Variants in KLHL29 observed in about 807,000 individuals in gnomAD.
KLHL29 encodes kelch-like protein 29.
Under a neutral mutation model 80.4 loss-of-function variants are expected in KLHL29, and 21 were observed. The observed-to-expected ratio is 0.26, with a 90% confidence interval of 0.19 to 0.38. The LOEUF (loss-of-function observed/expected upper bound fraction) is 0.38. Ranked by LOEUF, KLHL29 falls within the 10% of genes least tolerant of loss-of-function variation. KLHL29 has a pLI of 1.00. For missense variants in KLHL29, 867 were observed against 1,223.9 expected (o/e 0.71, Z 4.35); for synonymous variants, 511 against 526.8 (o/e 0.97, Z 0.41).
chr2:23,530,374 A>C (rs1162473354), intron 2 of KLHL29, among the ~76,000 whole-genome samples: 1 of 152,160 alleles, frequency 6.6e-6, no homozygotes, highest in African/African-American at 2.4e-5. Context: ...AAAAGTGGTG[A>C]TGGTATTTAA....
chr2:23,679,842 C>T (rs971499056), intron 5 of KLHL29, among the ~76,000 whole-genome samples: 2 of 151,894 alleles, frequency 1.3e-5, no homozygotes, highest in African/African-American at 2.4e-5. Context: ...AACACTTTCC[C>T]TGGTGGTGAA....
At chr2:23,640,917 G>A (rs1009906243) in intron 4 of KLHL29, among the ~76,000 whole-genome samples, 2 of 152,168 alleles carry the variant, frequency 1.3e-5, no homozygotes, top group African/African-American at 2.4e-5. Context: ...CGCCATCTTA[G>A]CTCCTGCCCC....
chr2:23,411,495 T>C (rs1472392709), intron 1 of KLHL29, among the ~76,000 whole-genome samples: 1 of 150,954 alleles, frequency 6.6e-6, no homozygotes, highest in African/African-American at 2.4e-5. Flanking sequence ...TTATGACCTC[T>C]AAGCTGCCAA....
chr2:23,575,385 A>G (rs1488672391), intron 3 of KLHL29, among the ~76,000 whole-genome samples: 1 of 152,234 alleles, frequency 6.6e-6, no homozygotes, highest in Non-Finnish European at 1.5e-5. Flanking sequence ...CTGTGCAGTC[A>G]GCAACCATTC....
intron 5 of KLHL29, among the ~76,000 whole-genome samples, chr2:23,656,441 A>G (rs905541553): frequency 3.3e-5 from 5 of 152,216 alleles, no homozygotes; most frequent in African/African-American, 1.2e-4. Flanking sequence ...GGCATGAGAA[A>G]TGTCAGCAAC....
chr2:23,562,524 G>A lies in KLHL29; in HGVS notation c.285+43G>A. On this transcript the variant is annotated intron_variant, in intron 3 of 13. Coordinates refer to ENST00000486442, the MANE Select transcript of KLHL29 (RefSeq NM_052920.2). This position sits in a 1 kb window ranked among gnomAD's most constrained non-coding sequence, Gnocchi z 4.5. ...CTCTGAGCAGGAGCCGGACAGAGGG[G>A]CCCTGCCTCCCTGCAGGCTCAGGCC... is the stretch of plus-strand genomic sequence containing the variant. The A allele has an allele frequency of 6.5e-7, 1 of 1,526,942 alleles. No homozygotes were observed. The allele number at this position is 1,526,942 out of a possible 1,614,324, so 94.6% of individuals were successfully genotyped here. A position where few individuals can be genotyped will look rare whatever the true frequency, so the allele number is the denominator to read the frequency against.
chr2:23,618,913 C>G (rs1340688179), intron 3 of KLHL29, among the ~76,000 whole-genome samples: 2 of 152,222 alleles, frequency 1.3e-5, no homozygotes, highest in Non-Finnish European at 2.9e-5. Flanking sequence ...GCAGCCACCA[C>G]TCCTCTCTGC....
rs76015357 is a variant in KLHL29, at chr2:23,504,359, G to A, written c.-46+28692G>A. Among the ~76,000 whole-genome samples the A allele has an allele frequency of 1.8e-3, 278 of 152,286 alleles. 1 individual carries two copies. The highest frequency in any genetic ancestry group is 6.3e-3 in the African/African-American group (261 of 41,586). On this transcript the variant is annotated intron_variant, in intron 2 of 13. Transcript: ENST00000486442. ...TTAGCATTCCGGAGTTTTCAGGGTC[G>A]GAGTGGGGGCCACTTCTAGGCACTA...
At chr2:23,581,914 C>T (rs1218835589) in intron 3 of KLHL29, among the ~76,000 whole-genome samples, 2 of 151,924 alleles carry the variant, frequency 1.3e-5, no homozygotes, top group African/African-American at 4.8e-5. Flanking sequence ...TAAGCTCCAC[C>T]TTTGAAAAAC....
At chr2:23,431,510 C>T (rs1187470792) in intron 1 of KLHL29, among the ~76,000 whole-genome samples, 1 of 152,236 alleles carries the variant, frequency 6.6e-6, no homozygotes, top group Non-Finnish European at 1.5e-5. Flanking sequence ...CCTGCTCCTC[C>T]GCCGGCAGCC....
intron 5 of KLHL29, among the ~76,000 whole-genome samples, chr2:23,679,362 A>T (rs138602327): frequency 3.0e-4 from 45 of 152,296 alleles, no homozygotes; most frequent in African/African-American, 1.0e-3. Context: ...TCTGCTCCAC[A>T]CAGTCTCTCA....
At chr2:23,414,335 C>T (rs527560554) in intron 1 of KLHL29, among the ~76,000 whole-genome samples, 27 of 151,384 alleles carry the variant, frequency 1.8e-4, no homozygotes, top group African/African-American at 4.8e-4. Flanking sequence ...GTGGGGGCCG[C>T]GCAGACGGAT....
At chr2:23,588,393 C>T (rs926746861) in intron 3 of KLHL29, among the ~76,000 whole-genome samples, 1 of 152,218 alleles carries the variant, frequency 6.6e-6, no homozygotes, top group Non-Finnish European at 1.5e-5. Context: ...CTGCTCCCCA[C>T]CCACCTTCAG....
intron 5 of KLHL29, among the ~76,000 whole-genome samples, chr2:23,661,594 G>A (rs1670410309): frequency 6.6e-6 from 1 of 152,232 alleles, no homozygotes; most frequent in Admixed American, 6.5e-5. Context: ...TCCTGCTCCT[G>A]GGACCAGGTC....
At chr2:23,397,595 G>A (rs1666481886) in intron 1 of KLHL29, among the ~76,000 whole-genome samples, 1 of 152,218 alleles carries the variant, frequency 6.6e-6, no homozygotes, top group African/African-American at 2.4e-5. Context: ...GAAAATGGGA[G>A]GCAGTTGCCC....
chr2:23,532,008 G>A (rs935589142), intron 2 of KLHL29, among the ~76,000 whole-genome samples: 1 of 152,234 alleles, frequency 6.6e-6, no homozygotes, highest in Non-Finnish European at 1.5e-5. Context: ...CCAAGGCCCA[G>A]TGGAAGCCTC....
chr2:23,617,886 G>A (rs1263691882), intron 3 of KLHL29: 2 of 152,216 alleles, frequency 1.3e-5, no homozygotes, highest in Non-Finnish European at 2.9e-5. Flanking sequence ...GCGTAGGAAG[G>A]CCGGGCCGCG....
intron 1 of KLHL29, among the ~76,000 whole-genome samples, chr2:23,446,585 T>A (rs540777808): frequency 6.6e-6 from 1 of 152,346 alleles, no homozygotes; most frequent in South Asian, 2.1e-4. Flanking sequence ...TGTGCTATTT[T>A]GGCTCCTTGT....
chr2:23,400,589 G>A (rs1558324214), intron 1 of KLHL29, among the ~76,000 whole-genome samples: 2 of 152,112 alleles, frequency 1.3e-5, no homozygotes, highest in Non-Finnish European at 2.9e-5. Flanking sequence ...AGCACTTTGG[G>A]AGGCCAAGGT....
Sources: gnomAD v4.1 joint callset for allele counts (sites outside exome capture counted in the v4.1 genomes callset) on GRCh38, gnomAD v4.1.1 for gene constraint, Gnocchi (gnomAD v3.1) non-coding constraint, MANE v1.5 for transcripts, NCBI Gene and HGNC (gene_info 2026-07-23, HGNC 2026-07-21) for gene names.